NRG1: variants seen among roughly 807,000 people sequenced by gnomAD.
NRG1 encodes the protein neuregulin 1.
In NRG1, 18 loss-of-function variants were observed where a neutral mutation model predicts 63.8. The observed-to-expected ratio is 0.28, with a 90% CI of 0.19 to 0.42. The LOEUF (loss-of-function observed/expected upper bound fraction) is 0.42, where lower values mean the gene tolerates loss of function less well. Among genes scored for constraint, NRG1 ranks in the 10% least tolerant of loss-of-function variants. The pLI is 1.00. For synonymous variants in NRG1, 302 were observed against 301.3 expected (o/e 1.00, Z -0.02); for missense variants, 762 against 814.7 (o/e 0.94, Z 0.79).
chr8:31,971,692 G>GA (rs953551382), intron 1 of NRG1, among the ~76,000 whole-genome samples: 17 of 151,672 alleles, frequency 1.1e-4, no homozygotes, highest in Middle Eastern at 3.4e-3. Context: ...GAAAGAAAAA[G>GA]AAAAAAACTG....
chr8:31,906,393 G>A (rs1832523804), intron 1 of NRG1, among the ~76,000 whole-genome samples: 1 of 152,122 alleles, frequency 6.6e-6, no homozygotes, highest in African/African-American at 2.4e-5. Context: ...GATGTAGGAG[G>A]GACAATACAG....
intron 3 of NRG1, among the ~76,000 whole-genome samples, chr8:32,613,747 A>G (rs1169292804): frequency 6.6e-6 from 1 of 152,124 alleles, no homozygotes; most frequent in African/African-American, 2.4e-5. Context: ...TCCAGGCTTC[A>G]TAAAACTGTA....
At chr8:32,069,928 T>G (rs1040585610) in intron 1 of NRG1, among the ~76,000 whole-genome samples, 2 of 152,150 alleles carry the variant, frequency 1.3e-5, no homozygotes, top group African/African-American at 4.8e-5. Flanking sequence ...CAACAAAGGA[T>G]GCAGAAATAG....
chr8:32,698,811 C>CA (rs1314072431), intron 5 of NRG1, among the ~76,000 whole-genome samples: 3 of 152,148 alleles, frequency 2.0e-5, no homozygotes, highest in Non-Finnish European at 4.4e-5. Flanking sequence ...AACCACCCCC[C>CA]ATAGAGCTGT....
Position 32,552,238 on chromosome 8 carries a change from G to A in NRG1, c.100+3412G>A, listed in dbSNP as rs141494595. 8.1e-3 allele frequency among the ~76,000 whole-genome samples: 1,182 copies of A among 145,344 alleles called. 15 individuals carry two copies. The highest frequency in any genetic ancestry group is 0.029 in the African/African-American group (1,123 of 39,080). On this transcript the variant is annotated intron_variant, in intron 1 of 11. Transcript: ENST00000356819. ...TTTTTTTTTTTTTTTTTAATTTTTG[G>A]CCAATTGGTATTTGACTCTAAGCTT... is the stretch of plus-strand genomic sequence containing the variant.
chr8:32,573,617 G>C (rs1563679472), intron 1 of NRG1, among the ~76,000 whole-genome samples: 1 of 151,536 alleles, frequency 6.6e-6, no homozygotes, highest in Non-Finnish European at 1.5e-5. Context: ...TATGTATTTG[G>C]GTAAGTTTAT....
chr8:32,124,251 G>A lies in NRG1; in HGVS notation c.38-471577G>A, dbSNP rs147481083. ...CCATGCACCAAGTTCGAACAATGAC[G>A]AATCAAATCCTCAGAGCCAAGAACA... On this transcript the variant is annotated intron_variant, in intron 1 of 10. Transcript: ENST00000519301. Among the ~76,000 whole-genome samples, 41 of 151,868 alleles carry A rather than the reference G, an allele frequency of 2.7e-4. No homozygotes were observed. In the East Asian group the frequency reaches 7.4e-3, roughly 27 times the overall value.
chr8:32,606,401 A>C (rs1044087616), intron 3 of NRG1, among the ~76,000 whole-genome samples: 3 of 151,984 alleles, frequency 2.0e-5, no homozygotes, highest in Non-Finnish European at 4.4e-5. Context: ...CTTCATCTTC[A>C]GCTTTGTTCA....
At chr8:32,692,727 G>T (rs1279560010) in intron 5 of NRG1, among the ~76,000 whole-genome samples, 1 of 152,198 alleles carries the variant, frequency 6.6e-6, no homozygotes, top group Non-Finnish European at 1.5e-5. Context: ...AATAGTCACA[G>T]GCCAGTGTTG....
At chr8:32,643,599 A>G (rs1403989357) in intron 5 of NRG1, among the ~76,000 whole-genome samples, 1 of 152,226 alleles carries the variant, frequency 6.6e-6, no homozygotes, top group Non-Finnish European at 1.5e-5. Flanking sequence ...AGCTGAACCC[A>G]GTAAACCTAC....
chr8:32,529,303 C>A (rs191894773), intron 1 of NRG1, among the ~76,000 whole-genome samples: 8 of 152,280 alleles, frequency 5.3e-5, no homozygotes, highest in Non-Finnish European at 1.0e-4. Context: ...ATGGAGCTTG[C>A]AGGACTGGAA....
chr8:32,101,063 C>G (rs775719152), intron 1 of NRG1, among the ~76,000 whole-genome samples: 2 of 152,048 alleles, frequency 1.3e-5, no homozygotes, highest in Non-Finnish European at 2.9e-5. Flanking sequence ...TCCGGCATCT[C>G]ATTTCTGACT....
At chr8:32,657,703 C>T (rs1354715449) in intron 5 of NRG1, among the ~76,000 whole-genome samples, 1 of 152,038 alleles carries the variant, frequency 6.6e-6, no homozygotes, top group Non-Finnish European at 1.5e-5. Context: ...GTTTGTAATC[C>T]CTTGGTAGAG....
intron 1 of NRG1, among the ~76,000 whole-genome samples, chr8:32,257,327 G>A (rs998364911): frequency 6.6e-6 from 1 of 152,066 alleles, no homozygotes; most frequent in Non-Finnish European, 1.5e-5. Flanking sequence ...GGTGCCACTG[G>A]TATGAAAAAA....
At chr8:31,923,528 T>C (rs1247156984) in intron 1 of NRG1, among the ~76,000 whole-genome samples, 1 of 152,234 alleles carries the variant, frequency 6.6e-6, no homozygotes, top group African/African-American at 2.4e-5. Context: ...GTATGATTGC[T>C]GTAATTTCTT....
At chr8:31,648,854 ATGC>A (rs1055372795) in intron 1 of NRG1, among the ~76,000 whole-genome samples, 1 of 152,248 alleles carries the variant, frequency 6.6e-6, no homozygotes, top group African/African-American at 2.4e-5. Context: ...ATTATAAATA[ATGC>A]TGCTGTGAAA....
chr8:32,071,113 G>C (rs150220033), intron 1 of NRG1, among the ~76,000 whole-genome samples: 1 of 152,150 alleles, frequency 6.6e-6, no homozygotes, highest in African/African-American at 2.4e-5. Flanking sequence ...CATTCTCTCA[G>C]CCTCCACCGT....
At chr8:32,415,177 GCAGGTGGAT>G (rs1298959447) in intron 1 of NRG1, among the ~76,000 whole-genome samples, 2 of 152,022 alleles carry the variant, frequency 1.3e-5, no homozygotes, top group Non-Finnish European at 2.9e-5. Flanking sequence ...GGAGGCCGAG[GCAGGTGGAT>G]CACCTGAGGT....
At chr8:32,749,475 T>C (rs1828245604) in intron 7 of NRG1, 1 of 1,294,730 alleles carries the variant, frequency 7.7e-7, no homozygotes, top group Admixed American at 1.7e-5. Context: ...TAGTCATGTG[T>C]AATGTGTTTT....
Sources: allele counts gnomAD v4.1 joint callset (sites outside exome capture counted in the v4.1 genomes callset), GRCh38; gene constraint gnomAD v4.1.1; transcripts MANE v1.5; gene names NCBI Gene and HGNC (gene_info 2026-07-23, HGNC 2026-07-21).